Variants in ADGRB1 observed in about 807,000 individuals in gnomAD.
ADGRB1 encodes adhesion G protein-coupled receptor B1.
ADGRB1 carries 36 observed loss-of-function variants against 175.7 expected under a neutral mutation model. That is an observed-to-expected ratio of 0.20 (90% CI 0.16 to 0.27). The LOEUF (loss-of-function observed/expected upper bound fraction) is 0.27. Ranked by LOEUF, ADGRB1 falls within the 10% of genes least tolerant of loss-of-function variation. The pLI is 1.00. For synonymous variants in ADGRB1, 1,054 were observed against 979.4 expected (o/e 1.08, Z -1.42); for missense variants, 1,731 against 2,255.3 (o/e 0.77, Z 4.71).
At chr8:142,518,539 C>T (rs561671256) in intron 19 of ADGRB1, among the ~76,000 whole-genome samples, 5 of 152,202 alleles carry the variant, frequency 3.3e-5, no homozygotes, top group Non-Finnish European at 5.9e-5. Flanking sequence ...TCCCTGTCTA[C>T]CCTTAGGCAT....
chr8:142,484,567 A>G, intron 12 of ADGRB1, 89 bp from the exon 13 acceptor site: 1 of 1,308,210 alleles, frequency 7.6e-7, no homozygotes, highest in Non-Finnish European at 1.0e-6. Context: ...AATGGCCAAT[A>G]AGAAAAGGAG....
In ADGRB1 at chr8:142,543,284, TG is replaced by T; in HGVS notation, c.4414-117del. 1.5e-6 allele frequency: 2 copies of T among 1,369,678 alleles called. No individual in the cohort carries two copies. The highest frequency in any genetic ancestry group is 2.0e-6 in the Non-Finnish European group (2 of 986,088). The allele number at this position is 1,369,678 out of a possible 1,614,324, so 84.8% of individuals were successfully genotyped here. A position where few individuals can be genotyped will look rare whatever the true frequency, so the allele number is the denominator to read the frequency against. On this transcript the variant is annotated intron_variant, in intron 28 of 30. Transcript: ENST00000517894. This position sits in a 1 kb window ranked among gnomAD's most constrained non-coding sequence, Gnocchi z 4.4. ...CCAGGCATGTCCCCTGGGTCTGGCC[TG>T]GTCCCTGAAGGCAGGCATGGGGCGA... is the stretch of plus-strand genomic sequence containing the variant.
Position 142,474,460 on chromosome 8 carries a change from G to C in ADGRB1, c.785-1014G>C, listed in dbSNP as rs1472127664. ...TGCACAGGGTGTACATGAGCCCAGA[G>C]TGCTGGGCAGGAGGCCCGAGCGGGA... On this transcript the variant is annotated intron_variant, in intron 2 of 30. Transcript: ENST00000517894. The surrounding 1 kb of genome is among the most constrained non-coding windows in gnomAD (Gnocchi z 5.8). 6.6e-6 allele frequency among the ~76,000 whole-genome samples: 1 copy of C among 152,172 alleles called. No individual in the cohort carries two copies. Among genetic ancestry groups the C allele is most frequent in the African/African-American group, 2.4e-5 (1 of 41,446 alleles).
chr8:142,480,876 C>A (rs1476000447), intron 9 of ADGRB1, among the ~76,000 whole-genome samples: 2 of 152,034 alleles, frequency 1.3e-5, no homozygotes, highest in Admixed American at 1.3e-4. Flanking sequence ...CCCCTGTAGC[C>A]CTGTGGATGC....
Position 142,543,382 on chromosome 8 carries a change from G to A in ADGRB1, c.4414-21G>A, listed in dbSNP as rs369317635. On this transcript the variant is annotated intron_variant, in intron 28 of 30. Coordinates refer to ENST00000517894, the MANE Select transcript of ADGRB1 (RefSeq NM_001702.3). The surrounding 1 kb of genome is among the most constrained non-coding windows in gnomAD (Gnocchi z 4.4). ...TGTCAGGGACCCTTGGCGAATGTTCGCAAACCCCTTCTCCCTGCAGCGGCG... is the reference window on the plus strand; with the variant it reads ...TGTCAGGGACCCTTGGCGAATGTTCACAAACCCCTTCTCCCTGCAGCGGCG... 27 of 1,613,360 alleles carry A rather than the reference G, an allele frequency of 1.7e-5. No individual in the cohort carries two copies. The highest frequency in any genetic ancestry group is 8.9e-5 in the East Asian group (4 of 44,876).
At chr8:142,530,974 A>T (rs551624209) in intron 24 of ADGRB1, among the ~76,000 whole-genome samples, 52 of 152,322 alleles carry the variant, frequency 3.4e-4, no homozygotes, top group African/African-American at 1.2e-3. Flanking sequence ...AGTAATTTAC[A>T]GGTCCCCAGG....
intron 18 of ADGRB1, among the ~76,000 whole-genome samples, chr8:142,516,853 G>T (rs766813299): frequency 1.4e-4 from 21 of 152,138 alleles, no homozygotes; most frequent in Non-Finnish European, 2.4e-4. Flanking sequence ...TTGGGAAGTT[G>T]CTCGGGGTGA....
intron 22 of ADGRB1, among the ~76,000 whole-genome samples, chr8:142,524,000 T>TC (rs1276910684): frequency 6.6e-6 from 1 of 151,714 alleles, no homozygotes; most frequent in Non-Finnish European, 1.5e-5. Flanking sequence ...AGCAGGTGGG[T>TC]CCCCCCCTCT....
chr8:142,511,752 C>T lies in ADGRB1; in HGVS notation c.2817+679C>T, dbSNP rs992073506. Among the ~76,000 whole-genome samples, 31 of 152,216 alleles carry T rather than the reference C, an allele frequency of 2.0e-4. No individual in the cohort carries two copies. Among genetic ancestry groups the T allele is most frequent in the Non-Finnish European group, 2.2e-4 (15 of 68,022 alleles). On this transcript the variant is annotated intron_variant, in intron 18 of 30. Coordinates refer to ENST00000517894, the MANE Select transcript of ADGRB1 (RefSeq NM_001702.3). This position sits in a 1 kb window ranked among gnomAD's most constrained non-coding sequence, Gnocchi z 4.5. ...GCGGGTGGGCTCTCTTGCTTTGGGC[C>T]GGCCAAGCTGCACCCCCTGGCCTGA...
intron 1 of ADGRB1, among the ~76,000 whole-genome samples, chr8:142,459,729 C>G (rs1448115969): frequency 2.6e-5 from 4 of 152,222 alleles, no homozygotes; most frequent in African/African-American, 9.6e-5. Flanking sequence ...CACGTATGCA[C>G]ACATGCATTT....
Position 142,542,684 on chromosome 8 carries a change from G to T in ADGRB1, c.4413+37G>T. The T allele has an allele frequency of 1.3e-6, 2 of 1,506,574 alleles. No homozygotes were observed. Among genetic ancestry groups the T allele is most frequent in the East Asian group, 2.6e-5 (1 of 38,030 alleles). 93.3% of individuals were successfully genotyped at this position (1,506,574 alleles called of 1,614,324 possible). ...AGGGGTGGGCCACACCCCAGCCAGC[G>T]AGGGCAGGGCTGCAGCAGCTGGGTC... On this transcript the variant is annotated intron_variant, in intron 28 of 30. Coordinates refer to ENST00000517894, the MANE Select transcript of ADGRB1 (RefSeq NM_001702.3). The surrounding 1 kb of genome is among the most constrained non-coding windows in gnomAD (Gnocchi z 6.3).
intron 1 of ADGRB1, among the ~76,000 whole-genome samples, chr8:142,456,529 ACAC>A: frequency 6.6e-6 from 1 of 152,200 alleles, no homozygotes; most frequent in Non-Finnish European, 1.5e-5. Flanking sequence ...GCTCACACAC[ACAC>A]ACCACTCACA....
chr8:142,479,455 A>C lies in ADGRB1; in HGVS notation c.1694A>C (p.Glu565Ala). 6.4e-7 allele frequency: 1 copy of C among 1,551,448 alleles called. No homozygotes were observed. Among genetic ancestry groups the C allele is most frequent in the Non-Finnish European group, 8.7e-7 (1 of 1,154,578 alleles). ...GGAACQGPQDEYRQCGTQRCP... is the reference protein window; with the variant it reads ...GGAACQGPQDAYRQCGTQRCP... Reference sequence around the variant, plus strand: ...GCAGCCTGCCAGGGCCCCCAGGATGAGTACCGGCAGTGCGGCACCCAGCGG... The same window carrying C: ...GCAGCCTGCCAGGGCCCCCAGGATGCGTACCGGCAGTGCGGCACCCAGCGG... Residue 565 changes from glutamate (E) to alanine (A), a missense_variant, in exon 8 of 31, where the codon GAG becomes GCG. Physicochemically the swap from Glu to Ala is moderately radical, Grantham distance 107. Around this residue, in one of 8 missense-constraint regions of ADGRB1, gnomAD observed 388 missense variants for 630.9 expected, o/e 0.61. Transcript: ENST00000517894.
chr8:142,460,665 G>T (rs1423502362), intron 1 of ADGRB1, among the ~76,000 whole-genome samples: 1 of 152,162 alleles, frequency 6.6e-6, no homozygotes, highest in African/African-American at 2.4e-5. Context: ...GAGGCCCCAG[G>T]TCCCTGCCAG....
In ADGRB1 at chr8:142,477,366, A is replaced by G. The variant is rs771616139; in HGVS notation, c.1223-19A>G. ...GGCGGTGGCCGCAGTGGGCAGCAGCACCTTCCGTCCCTCTGCAGTGCATGG... is the reference window on the plus strand; with the variant it reads ...GGCGGTGGCCGCAGTGGGCAGCAGCGCCTTCCGTCCCTCTGCAGTGCATGG... On this transcript the variant is annotated intron_variant, in intron 5 of 30. Coordinates refer to ENST00000517894, the MANE Select transcript of ADGRB1 (RefSeq NM_001702.3). 94 of 1,569,214 alleles carry G rather than the reference A, an allele frequency of 6.0e-5. No homozygotes were observed. Among genetic ancestry groups the G allele is most frequent in the Admixed American group, 4.5e-4 (26 of 58,362 alleles).
chr8:142,524,871 G>A (rs887154094), intron 23 of ADGRB1, among the ~76,000 whole-genome samples: 2 of 152,068 alleles, frequency 1.3e-5, no homozygotes, highest in South Asian at 4.1e-4. Context: ...GATGAGCTGC[G>A]GCAGCCTGGG....
At chr8:142,476,962 C>A (rs892029864) in intron 4 of ADGRB1, among the ~76,000 whole-genome samples, 152 bp from the exon 5 acceptor site, 1 of 152,202 alleles carries the variant, frequency 6.6e-6, no homozygotes, top group Non-Finnish European at 1.5e-5. Flanking sequence ...ATGGCCAGTT[C>A]TTGAGATCAG....
chr8:142,481,394 C>T, intron 10 of ADGRB1, 34 bp downstream of exon 10: 1 of 1,607,164 alleles, frequency 6.2e-7, no homozygotes, highest in Non-Finnish European at 8.5e-7. Context: ...TCCAACCCCT[C>T]CCCAATCACC....
At chr8:142,469,610 T>G (rs1297656038) in intron 2 of ADGRB1, among the ~76,000 whole-genome samples, 2 of 142,836 alleles carry the variant, frequency 1.4e-5, no homozygotes, top group Non-Finnish European at 3.1e-5. Flanking sequence ...CACGTGCATG[T>G]GTGTGTATGC....
Sources: gnomAD v4.1 joint callset for allele counts (sites outside exome capture counted in the v4.1 genomes callset) on GRCh38, gnomAD v4.1.1 for gene constraint, gnomAD v4.1.1 regional missense constraint, Gnocchi (gnomAD v3.1) non-coding constraint, MANE v1.5 for transcripts, NCBI Gene and HGNC (gene_info 2026-07-23, HGNC 2026-07-21) for gene names.